Variants in FTCDNL1 observed in about 807,000 individuals in gnomAD.
FTCDNL1 encodes the protein formiminotransferase cyclodeaminase N-terminal like, also known as formiminotransferase N-terminal subdomain-containing protein.
A neutral mutation model predicts 5.9 loss-of-function variants in FTCDNL1; 11 were observed. The observed-to-expected ratio is 1.87, with a 90% CI of 1.18 to 3.10. The LOEUF (loss-of-function observed/expected upper bound fraction) is 3.10. FTCDNL1 is among the 30% of genes most tolerant of loss of function. The pLI, the probability that FTCDNL1 is intolerant of heterozygous loss-of-function variation, is 0.00. For synonymous variants in FTCDNL1, 58 were observed against 24.8 expected, an observed-to-expected ratio of 2.34 and a Z score of -3.99; for missense variants, 115 against 65.5, an observed-to-expected ratio of 1.76 and a Z score of -2.61.
chr2:199,800,276 G>A (rs556732380), intron 3 of FTCDNL1, among the ~76,000 whole-genome samples: 15 of 152,226 alleles, frequency 9.9e-5, no homozygotes, highest in African/African-American at 3.6e-4. Context: ...ATGACCTCAA[G>A]GAAGTTACTT....
chr2:199,763,497 C>T (rs562158915), intron 3 of FTCDNL1, among the ~76,000 whole-genome samples: 2 of 152,240 alleles, frequency 1.3e-5, no homozygotes, highest in South Asian at 4.2e-4. Flanking sequence ...ATAATGAAGC[C>T]TTCCTCAGCC....
chr2:199,804,444 C>T (rs1172260443), downstream of FTCDNL1, among the ~76,000 whole-genome samples: 3 of 152,128 alleles, frequency 2.0e-5, no homozygotes, highest in African/African-American at 7.2e-5. Context: ...TATATAATTA[C>T]ATTAGTTTAC....
chr2:199,844,836 C>T, intron 3 of FTCDNL1, among the ~76,000 whole-genome samples: 1 of 151,948 alleles, frequency 6.6e-6, no homozygotes, highest in African/African-American at 2.4e-5. Context: ...CAATTGTCTC[C>T]AATTAATTTA....
chr2:199,750,377 AAAT>A, the FTCDNL1 span, among the ~76,000 whole-genome samples: 5 of 151,856 alleles, frequency 3.3e-5, no homozygotes, highest in Non-Finnish European at 7.4e-5. Flanking sequence ...ATAAATAAAT[AAAT>A]AAATAAATTG....
the FTCDNL1 span, among the ~76,000 whole-genome samples, chr2:199,702,750 T>G: frequency 6.6e-6 from 1 of 152,096 alleles, no homozygotes; most frequent in Non-Finnish European, 1.5e-5. Context: ...GATAAAACAC[T>G]GTAAAGAAAA....
chr2:199,806,264 C>T (rs2106425697), downstream of FTCDNL1, among the ~76,000 whole-genome samples: 1 of 152,220 alleles, frequency 6.6e-6, no homozygotes, highest in South Asian at 2.1e-4. Context: ...AATAAGCTTT[C>T]CTAACCCCCC....
At chr2:199,790,491 C>T (rs866500687) in intron 3 of FTCDNL1, among the ~76,000 whole-genome samples, 6 of 141,426 alleles carry the variant, frequency 4.2e-5, no homozygotes, top group Middle Eastern at 3.7e-3. Context: ...GAGCGAGACT[C>T]TGTCTCAAAA....
At chr2:199,791,267 A>G (rs1699912355) in intron 3 of FTCDNL1, among the ~76,000 whole-genome samples, 1 of 152,156 alleles carries the variant, frequency 6.6e-6, no homozygotes, top group Admixed American at 6.5e-5. Flanking sequence ...TGGATCACTG[A>G]GAGGGGGAAG....
chr2:199,664,419 T>C, the FTCDNL1 span, among the ~76,000 whole-genome samples: 1 of 152,254 alleles, frequency 6.6e-6, no homozygotes, highest in Non-Finnish European at 1.5e-5. Flanking sequence ...TTTAGCTTTT[T>C]TCTTCCTGAA....
At chr2:199,753,466 A>G in the FTCDNL1 span, among the ~76,000 whole-genome samples, 6 of 152,228 alleles carry the variant, frequency 3.9e-5, no homozygotes, top group Non-Finnish European at 5.9e-5. Context: ...TGAGAAGCCA[A>G]CGAAGAACTT....
At chr2:199,760,797 G>C (rs751318718) in exon 4 of FTCDNL1, 1 of 702,306 alleles carries the variant, frequency 1.4e-6, no homozygotes, top group Non-Finnish European at 2.6e-6. Flanking sequence ...TGTCGACCTC[G>C]CAACAGCACT....
the FTCDNL1 span, among the ~76,000 whole-genome samples, chr2:199,725,684 C>T: frequency 6.6e-6 from 1 of 152,258 alleles, no homozygotes; most frequent in East Asian, 1.9e-4. Context: ...GTTGGAAATT[C>T]TTTTCTTTAA....
At chr2:199,674,846 T>C in the FTCDNL1 span, among the ~76,000 whole-genome samples, 1 of 152,330 alleles carries the variant, frequency 6.6e-6, no homozygotes, top group African/African-American at 2.4e-5. Flanking sequence ...AAAAGGAGAA[T>C]ATTTAGATAA....
intron 3 of FTCDNL1, among the ~76,000 whole-genome samples, chr2:199,832,514 A>G (rs1702438715): frequency 6.6e-6 from 1 of 152,246 alleles, no homozygotes; most frequent in African/African-American, 2.4e-5. Flanking sequence ...TTGCAAATGA[A>G]GAACTGATGA....
the FTCDNL1 span, among the ~76,000 whole-genome samples, chr2:199,720,064 C>G: frequency 6.6e-6 from 1 of 152,124 alleles, no homozygotes; most frequent in African/African-American, 2.4e-5. Context: ...CTCAGCTAGA[C>G]TGTTATTGGT....
At chr2:199,719,993 AT>A in the FTCDNL1 span, among the ~76,000 whole-genome samples, 1 of 151,950 alleles carries the variant, frequency 6.6e-6, no homozygotes, top group Non-Finnish European at 1.5e-5. Flanking sequence ...GGTTAAACTT[AT>A]TTTTATGTAT....
At chr2:199,722,467 T>A in the FTCDNL1 span, among the ~76,000 whole-genome samples, 2 of 152,266 alleles carry the variant, frequency 1.3e-5, no homozygotes, top group African/African-American at 4.8e-5. Context: ...GAGTTCTCTA[T>A]TATGTTCCAT....
rs1701062009 is a variant in FTCDNL1, at chr2:199,811,969, A to T, written c.*736T>A. ...ATTTTTAAAATTCCTTCAAAAGCAT[A>T]AAGTTCATTTTTTAAGCAAAATAAA... On this transcript the variant is annotated 3_prime_UTR_variant, in exon 5 of 5. Coordinates refer to ENST00000420128, the MANE Select transcript of FTCDNL1 (RefSeq NM_001363886.2). Among the ~76,000 whole-genome samples, 1 of 152,254 alleles carries T rather than the reference A, an allele frequency of 6.6e-6. No individual in the cohort carries two copies. Among genetic ancestry groups the T allele is most frequent in the Admixed American group, 6.5e-5 (1 of 15,286 alleles).
At chr2:199,707,185 TG>T in the FTCDNL1 span, among the ~76,000 whole-genome samples, 3 of 152,224 alleles carry the variant, frequency 2.0e-5, no homozygotes, top group East Asian at 5.8e-4. Flanking sequence ...CACTTGGCCA[TG>T]GGGCATAGAG....
Sources: gnomAD v4.1 joint callset for allele counts (sites outside exome capture counted in the v4.1 genomes callset) on GRCh38, gnomAD v4.1.1 for gene constraint, MANE v1.5 for transcripts, NCBI Gene and HGNC (gene_info 2026-07-23, HGNC 2026-07-21) for gene names.